HDAC8: variants seen among roughly 807,000 people sequenced by gnomAD.
HDAC8 encodes histone deacetylase 8, also known as histone deacetylase-like 1.
A neutral mutation model predicts 32.2 loss-of-function variants in HDAC8; 1 was observed. The observed-to-expected ratio is 0.03, with a 90% CI of 0.01 to 0.15. HDAC8 has a LOEUF of 0.15. HDAC8 is among the 10% of genes least tolerant of loss of function. HDAC8 has a pLI of 1.00. For synonymous variants in HDAC8, 108 were observed against 113.9 expected, an observed-to-expected ratio of 0.95 and a Z score of 0.33; for missense variants, 117 against 300.0, an observed-to-expected ratio of 0.39 and a Z score of 4.51.
At chrX:72,376,834 C>T (rs188696902) in intron 9 of HDAC8, 1 of 111,830 alleles carries the variant, frequency 8.9e-6, no homozygotes, top group East Asian at 2.8e-4. Context: ...TTAAGCAGAC[C>T]TTTGCAGTTA....
At chrX:72,477,013 G>A (rs1556000926) in intron 7 of HDAC8, among the ~76,000 whole-genome samples, 2 of 111,733 alleles carry the variant, frequency 1.8e-5, no homozygotes, top group South Asian at 7.6e-4. Flanking sequence ...CACAAAATTC[G>A]CTTTAAGAAG....
intron 9 of HDAC8, among the ~76,000 whole-genome samples, chrX:72,380,792 A>G (rs902427399): frequency 5.1e-4 from 57 of 112,077 alleles, no homozygotes; most frequent in African/African-American, 1.8e-3. Flanking sequence ...AAAAAAAAAC[A>G]AGTGAAATTA....
intron 10 of HDAC8, among the ~76,000 whole-genome samples, chrX:72,339,092 T>C (rs1307878188): frequency 9.0e-6 from 1 of 111,284 alleles, no homozygotes; most frequent in Admixed American, 9.6e-5. Flanking sequence ...ATGAGGCACA[T>C]CTTGAGAAAA....
intron 9 of HDAC8, among the ~76,000 whole-genome samples, chrX:72,434,977 T>C (rs1239653970): frequency 8.9e-6 from 1 of 112,228 alleles, no homozygotes; most frequent in Non-Finnish European, 1.9e-5. Context: ...TTATTTCATT[T>C]TTAAAGTTTT....
chrX:72,491,151 T>C, intron 5 of HDAC8, 145 bp from the exon 6 acceptor site: 1 of 417,799 alleles, frequency 2.4e-6, no homozygotes, highest in Non-Finnish European at 4.2e-6. Flanking sequence ...ATAAAAGTAA[T>C]ACGAACCTCT....
At chrX:72,485,442 T>A (rs1229978867) in intron 7 of HDAC8, among the ~76,000 whole-genome samples, 2 of 111,756 alleles carry the variant, frequency 1.8e-5, no homozygotes, top group African/African-American at 6.5e-5. Flanking sequence ...AGCCAATTTT[T>A]AACTGAAGGG....
intron 4 of HDAC8, among the ~76,000 whole-genome samples, chrX:72,544,931 G>C (rs1279707911): frequency 8.9e-6 from 1 of 112,002 alleles, no homozygotes; most frequent in East Asian, 2.8e-4. Context: ...GACTCAGAGA[G>C]AATCTGCTCC....
At chrX:72,472,536 G>T (rs1555998354) in intron 7 of HDAC8, among the ~76,000 whole-genome samples, 1 of 111,802 alleles carries the variant, frequency 8.9e-6, no homozygotes, top group African/African-American at 3.3e-5. Flanking sequence ...CTATATGTCT[G>T]TCCTCATGCC....
chrX:72,482,525 C>T (rs782059424), intron 7 of HDAC8, among the ~76,000 whole-genome samples: 9 of 111,393 alleles, frequency 8.1e-5, no homozygotes, highest in Non-Finnish European at 1.3e-4. Context: ...CTAAGTTGCA[C>T]TTACACAAAC....
intron 10 of HDAC8, among the ~76,000 whole-genome samples, chrX:72,336,796 C>T (rs2043703466): frequency 1.8e-5 from 2 of 110,259 alleles, no homozygotes; most frequent in South Asian, 3.9e-4. Context: ...GTTGCCCAGG[C>T]TGGAATGTAG....
At chrX:72,487,821 G>A (rs939516251) in intron 7 of HDAC8, among the ~76,000 whole-genome samples, 7 of 108,959 alleles carry the variant, frequency 6.4e-5, no homozygotes, top group African/African-American at 2.4e-4. Context: ...ACATAGAACT[G>A]CAGGATATCT....
intron 9 of HDAC8, among the ~76,000 whole-genome samples, chrX:72,440,970 C>T (rs868980709): frequency 4.4e-5 from 5 of 112,721 alleles, no homozygotes; most frequent in Admixed American, 9.3e-5. Context: ...AAGGCGGCAG[C>T]GAGGCTGAGG....
intron 9 of HDAC8, among the ~76,000 whole-genome samples, chrX:72,366,106 C>A (rs1418006145): frequency 6.2e-5 from 7 of 112,134 alleles, no homozygotes; most frequent in South Asian, 3.7e-4. Context: ...GCAATCCAGA[C>A]GGAAGACAAA....
At chrX:72,388,595 TAC>T (rs59374504) in intron 9 of HDAC8, among the ~76,000 whole-genome samples, 6,287 of 88,013 alleles carry the variant, frequency 0.071, 209 homozygotes, top group Middle Eastern at 0.11. Flanking sequence ...CCACAGTGAT[TAC>T]ACACACACAC....
chrX:72,406,040 T>C lies in HDAC8; in HGVS notation c.1006-54202A>G, dbSNP rs936825176. Among the ~76,000 whole-genome samples the C allele has an allele frequency of 3.6e-5, 4 of 112,049 alleles. No individual in the cohort carries two copies. In the Admixed American group the frequency reaches 3.8e-4, roughly 11 times the overall value. ...AAAGTCTGGTTATATTTTGTCTTTTTTTTCCTGTTGACTTCTCCTTCCTGG... is the reference window on the plus strand; with the variant it reads ...AAAGTCTGGTTATATTTTGTCTTTTCTTTCCTGTTGACTTCTCCTTCCTGG... On this transcript the variant is annotated intron_variant, in intron 9 of 10. Coordinates refer to ENST00000373573, the MANE Select transcript of HDAC8 (RefSeq NM_018486.3).
chrX:72,571,466 C>G (rs922759851), intron 2 of HDAC8, among the ~76,000 whole-genome samples: 1 of 109,779 alleles, frequency 9.1e-6, no homozygotes, highest in African/African-American at 3.3e-5. Flanking sequence ...ACCAAGCAAT[C>G]GAGCTGTATT....
At chrX:72,436,899 TA>T (rs1401106039) in intron 9 of HDAC8, among the ~76,000 whole-genome samples, 1 of 112,147 alleles carries the variant, frequency 8.9e-6, no homozygotes, top group Non-Finnish European at 1.9e-5. Flanking sequence ...TATACATGTA[TA>T]ATCTAATACC....
chrX:72,426,471 T>G (rs1397210871), intron 9 of HDAC8, among the ~76,000 whole-genome samples: 1 of 112,054 alleles, frequency 8.9e-6, no homozygotes, highest in Non-Finnish European at 1.9e-5. Flanking sequence ...AGTTCAAAGT[T>G]TGTGTAAAAT....
intron 9 of HDAC8, among the ~76,000 whole-genome samples, chrX:72,416,408 GTTTTTTTTTTTTTTTTTTTTT>G (rs549411405): frequency 2.4e-3 from 9 of 3,694 alleles, no homozygotes; most frequent in Non-Finnish European, 3.4e-3. Flanking sequence ...TGTCTTCTCT[GTTTTTTTTTTTTTTTTTTTTT>G]TTTTTTTTTT....
Sources: gnomAD v4.1 joint callset for allele counts (sites outside exome capture counted in the v4.1 genomes callset) on GRCh38, gnomAD v4.1.1 for gene constraint, MANE v1.5 for transcripts, NCBI Gene and HGNC (gene_info 2026-07-23, HGNC 2026-07-21) for gene names.